NRG1: variants seen among roughly 807,000 people sequenced by gnomAD.
The protein encoded by NRG1 is neuregulin 1, also known as pro-neuregulin-1, membrane-bound isoform.
In NRG1, 18 loss-of-function variants were observed where a neutral mutation model predicts 63.8. The ratio of observed to expected loss-of-function variants is 0.28; its 90% confidence interval spans 0.19 to 0.42. NRG1 has a LOEUF of 0.42. Ranked by LOEUF, NRG1 falls within the 10% of genes least tolerant of loss-of-function variation. The probability of loss-of-function intolerance (pLI) is 1.00; values close to 1 mark genes in which losing one functional copy is unlikely to be tolerated. For synonymous variants in NRG1, 302 were observed against 301.3 expected, an observed-to-expected ratio of 1.00 and a Z score of -0.02; for missense variants, 762 against 814.7, an observed-to-expected ratio of 0.94 and a Z score of 0.79.
intron 1 of NRG1, among the ~76,000 whole-genome samples, chr8:32,286,865 C>T (rs147978312): frequency 0.015 from 2,336 of 152,110 alleles, 35 homozygotes; most frequent in African/African-American, 0.038. Flanking sequence ...GGCATGGTGG[C>T]GGGCACCTGT....
chr8:32,324,089 C>T (rs1801725649), intron 1 of NRG1, among the ~76,000 whole-genome samples: 1 of 129,532 alleles, frequency 7.7e-6, no homozygotes, highest in Admixed American at 7.4e-5. Context: ...TCATCAAAGC[C>T]CTCAAAAAAA....
chr8:32,171,809 G>A (rs540714913), intron 1 of NRG1, among the ~76,000 whole-genome samples: 30 of 152,198 alleles, frequency 2.0e-4, no homozygotes, highest in East Asian at 7.8e-4. Flanking sequence ...AGGGACGCCC[G>A]CCATTGCCAA....
At chr8:32,694,755 T>A (rs1479857643) in intron 5 of NRG1, among the ~76,000 whole-genome samples, 1 of 152,200 alleles carries the variant, frequency 6.6e-6, no homozygotes, top group South Asian at 2.1e-4. Context: ...CCCAGACAGC[T>A]TCTACTCAGT....
At chr8:31,642,922 C>T (rs1212869173) in intron 1 of NRG1, among the ~76,000 whole-genome samples, 1 of 151,990 alleles carries the variant, frequency 6.6e-6, no homozygotes, top group Non-Finnish European at 1.5e-5. Context: ...CAAATAATAT[C>T]AGCTATTTTA....
At chr8:32,547,674 GTTCGCTTAGCCC>G (rs1434511761), upstream of NRG1, among the ~76,000 whole-genome samples, 1 of 151,756 alleles carries the variant, frequency 6.6e-6, no homozygotes, top group African/African-American at 2.4e-5. Context: ...CATCTTTAAG[GTTCGCTTAGCCC>G]TTCCTGTGCA....
intron 1 of NRG1, among the ~76,000 whole-genome samples, chr8:31,830,199 A>G (rs1824972080): frequency 6.6e-6 from 1 of 152,174 alleles, no homozygotes; most frequent in African/African-American, 2.4e-5. Flanking sequence ...AAATAAATAA[A>G]CACAAGGGAA....
chr8:32,453,994 C>G (rs558855689), intron 1 of NRG1, among the ~76,000 whole-genome samples: 1 of 152,162 alleles, frequency 6.6e-6, no homozygotes, highest in Non-Finnish European at 1.5e-5. Context: ...AAGAAGATAG[C>G]CTGTATATTC....
chr8:32,380,677 TA>T, intron 1 of NRG1, among the ~76,000 whole-genome samples: 1 of 152,344 alleles, frequency 6.6e-6, no homozygotes, highest in South Asian at 2.1e-4. Flanking sequence ...TATTCCTTTT[TA>T]CTTCCTCATC....
rs190894770 is a variant in NRG1, at chr8:32,277,690, C to T, written c.38-318138C>T. On this transcript the variant is annotated intron_variant, in intron 1 of 10. Transcript: ENST00000519301. ...AATATCTGGTGACATTTTTAACTAT[C>T]GGGAGTTGGGGGATGCTACTGGTAT... Among the ~76,000 whole-genome samples, 7 of 152,232 alleles carry T rather than the reference C, an allele frequency of 4.6e-5. No individual in the cohort carries two copies. In the East Asian group the frequency reaches 5.8e-4, roughly 13 times the overall value.
At chr8:32,371,266 C>G (rs1243417237) in intron 1 of NRG1, among the ~76,000 whole-genome samples, 1 of 152,162 alleles carries the variant, frequency 6.6e-6, no homozygotes, top group Non-Finnish European at 1.5e-5. Flanking sequence ...AGGGAGATTA[C>G]TTGCACTGGA....
chr8:31,704,987 C>G (rs1298437698), intron 1 of NRG1, among the ~76,000 whole-genome samples: 2 of 152,078 alleles, frequency 1.3e-5, no homozygotes, highest in Non-Finnish European at 2.9e-5. Flanking sequence ...AAATTCTACA[C>G]ACATTACACA....
chr8:31,934,756 C>T (rs2129620300), intron 1 of NRG1, among the ~76,000 whole-genome samples: 1 of 152,198 alleles, frequency 6.6e-6, no homozygotes, highest in East Asian at 1.9e-4. Flanking sequence ...TATCTATCTA[C>T]TTATCTACCT....
chr8:32,713,889 A>T (rs1818486627), intron 5 of NRG1, among the ~76,000 whole-genome samples: 1 of 151,360 alleles, frequency 6.6e-6, no homozygotes, highest in African/African-American at 2.4e-5. Flanking sequence ...CAGCGGTGCG[A>T]TCTCAGCTCA....
chr8:32,322,189 T>TAAAAAAAAAG (rs879655992), intron 1 of NRG1, among the ~76,000 whole-genome samples: 2 of 148,098 alleles, frequency 1.4e-5, no homozygotes, highest in Non-Finnish European at 3.0e-5. Context: ...ACCCCATCTC[T>TAAAAAAAAAG]AAAAAAAAAG....
chr8:32,719,256 T>A (rs1395334972), intron 5 of NRG1, among the ~76,000 whole-genome samples: 4 of 152,066 alleles, frequency 2.6e-5, no homozygotes, highest in African/African-American at 7.2e-5. Flanking sequence ...AATATAAATA[T>A]AAGCATATAT....
intron 1 of NRG1, among the ~76,000 whole-genome samples, chr8:31,687,568 A>T (rs763597629): frequency 5.9e-5 from 9 of 152,162 alleles, no homozygotes; most frequent in Non-Finnish European, 1.2e-4. Flanking sequence ...TGCACTTACC[A>T]TGGTAGAGTA....
intron 5 of NRG1, among the ~76,000 whole-genome samples, chr8:32,695,878 C>T (rs1327423761): frequency 6.6e-6 from 1 of 152,100 alleles, no homozygotes; most frequent in African/African-American, 2.4e-5. Flanking sequence ...ATAATCAAGC[C>T]AATTCTAAAC....
At chr8:32,310,401 T>C (rs1856683630) in intron 1 of NRG1, among the ~76,000 whole-genome samples, 1 of 152,202 alleles carries the variant, frequency 6.6e-6, no homozygotes, top group East Asian at 1.9e-4. Context: ...TGGAAGGCAC[T>C]GGAAGGGATT....
At chr8:31,733,644 C>T (rs968470678) in intron 1 of NRG1, among the ~76,000 whole-genome samples, 2 of 152,134 alleles carry the variant, frequency 1.3e-5, no homozygotes, top group East Asian at 3.9e-4. Context: ...CCAGGTTACA[C>T]CTGTGGAAGG....
Sources: allele counts gnomAD v4.1 joint callset (sites outside exome capture counted in the v4.1 genomes callset), GRCh38; gene constraint gnomAD v4.1.1; transcripts MANE v1.5; gene names NCBI Gene and HGNC (gene_info 2026-07-23, HGNC 2026-07-21).